PPARG: variants seen among roughly 807,000 people sequenced by gnomAD.
The protein encoded by PPARG is peroxisome proliferator-activated receptor gamma.
Under a neutral mutation model 39.2 loss-of-function variants are expected in PPARG, and 17 were observed. That is an observed-to-expected ratio of 0.43 (90% confidence interval 0.30 to 0.65). The LOEUF is 0.65. Among genes scored for constraint, PPARG ranks in the 30% least tolerant of loss-of-function variants. The probability of loss-of-function intolerance (pLI) is 0.13; values close to 1 mark genes in which losing one functional copy is unlikely to be tolerated. For missense variants in PPARG, 406 were observed against 585.9 expected (o/e 0.69, Z 3.17); for synonymous variants, 223 against 215.7 (o/e 1.03, Z -0.30).
intron 3 of PPARG, among the ~76,000 whole-genome samples, chr3:12,380,136 C>T (rs2049589518): frequency 6.6e-6 from 1 of 151,624 alleles, no homozygotes; most frequent in African/African-American, 2.4e-5. Context: ...TCTTGCCTTC[C>T]CCGCCCCCTC....
At chr3:12,399,495 G>C in intron 5 of PPARG, 2 of 422,390 alleles carry the variant, frequency 4.7e-6, no homozygotes, top group Non-Finnish European at 9.4e-6. Flanking sequence ...GCTGAGGTAG[G>C]AGCTTCCCTT....
Position 12,343,763 on chromosome 3 carries a change from C to T in PPARG, c.-9+31310C>T, listed in dbSNP as rs192991285. Among the ~76,000 whole-genome samples the T allele has an allele frequency of 2.6e-3, 391 of 151,828 alleles. 2 individuals carry two copies. Among genetic ancestry groups the T allele is most frequent in the Non-Finnish European group, 4.5e-3 (305 of 67,998 alleles). ...TTATGTGATACTTAACTGTATTGCT[C>T]GGTATTTAGCAGCCCATTATCTAAT... On this transcript the variant is annotated intron_variant, in intron 2 of 7. Transcript: ENST00000651735.
intron 7 of PPARG, among the ~76,000 whole-genome samples, chr3:12,431,027 G>A (rs2125317767): frequency 1.3e-5 from 2 of 152,250 alleles, no homozygotes; most frequent in East Asian, 3.9e-4. Context: ...ATACCATGAA[G>A]GAGAGAAGAG....
intron 1 of PPARG, among the ~76,000 whole-genome samples, chr3:12,309,490 G>C (rs951395957): frequency 2.0e-5 from 3 of 152,012 alleles, no homozygotes; most frequent in African/African-American, 7.2e-5. Context: ...TGATAAGTGG[G>C]ACTGATATTT....
At chr3:12,368,231 G>C (rs2049087903) in intron 2 of PPARG, among the ~76,000 whole-genome samples, 1 of 146,454 alleles carries the variant, frequency 6.8e-6, no homozygotes, top group Non-Finnish European at 1.5e-5. Flanking sequence ...GCCCAGGCTG[G>C]AGTGCACTGG....
chr3:12,363,116 C>T (rs1395335410), intron 2 of PPARG, among the ~76,000 whole-genome samples: 1 of 152,106 alleles, frequency 6.6e-6, no homozygotes, highest in Admixed American at 6.6e-5. Context: ...GACAGGGTCT[C>T]ACTGTGTTGT....
At chr3:12,329,916 C>T (rs1450758676) in intron 2 of PPARG, among the ~76,000 whole-genome samples, 1 of 152,172 alleles carries the variant, frequency 6.6e-6, no homozygotes, top group African/African-American at 2.4e-5. Flanking sequence ...TGGCTTATTT[C>T]ATTTAGCACA....
At chr3:12,397,156 TGA>T (rs1333792993) in intron 5 of PPARG, among the ~76,000 whole-genome samples, 1 of 151,926 alleles carries the variant, frequency 6.6e-6, no homozygotes, top group Non-Finnish European at 1.5e-5. Flanking sequence ...ATTATATAAA[TGA>T]GAGAGAGTTT....
chr3:12,392,975 G>T (rs1559521787), intron 5 of PPARG, among the ~76,000 whole-genome samples: 1 of 152,164 alleles, frequency 6.6e-6, no homozygotes. Flanking sequence ...GGAGAAAAGA[G>T]ACTTGAAAAA....
intron 7 of PPARG, among the ~76,000 whole-genome samples, chr3:12,419,506 G>T (rs901159243): frequency 6.6e-6 from 1 of 151,794 alleles, no homozygotes. Flanking sequence ...ATGGAGTCTC[G>T]TTCTGTCTTG....
At chr3:12,386,950 G>A (rs2049896005) in intron 4 of PPARG, among the ~76,000 whole-genome samples, 1 of 146,598 alleles carries the variant, frequency 6.8e-6, no homozygotes. Context: ...ACTCCCACCT[G>A]TGAGTGAGAA....
In PPARG at chr3:12,364,034, A is replaced by G. The variant is rs1269664151; in HGVS notation, c.-8-15670A>G. Reference sequence around the variant, plus strand: ...GCACCCAAGTGGTACACTTGTTAACAGTCAATAAACCCCCACTGACACATC... The same window carrying G: ...GCACCCAAGTGGTACACTTGTTAACGGTCAATAAACCCCCACTGACACATC... On this transcript the variant is annotated intron_variant, in intron 2 of 7. Transcript: ENST00000651735. 2.0e-5 allele frequency among the ~76,000 whole-genome samples: 3 copies of G among 149,156 alleles called. No homozygotes were observed. The East Asian group carries it at 6.0e-4, about 30-fold the overall frequency.
chr3:12,387,119 T>C (rs2049904706), intron 4 of PPARG, among the ~76,000 whole-genome samples: 1 of 152,350 alleles, frequency 6.6e-6, no homozygotes, highest in Non-Finnish European at 1.5e-5. Context: ...CAGTCAATCA[T>C]TGATGGACAT....
chr3:12,360,753 A>G (rs982848353), intron 2 of PPARG, among the ~76,000 whole-genome samples: 2 of 152,146 alleles, frequency 1.3e-5, no homozygotes, highest in African/African-American at 4.8e-5. Flanking sequence ...TAATCACACT[A>G]TTGAATGTAA....
intron 2 of PPARG, among the ~76,000 whole-genome samples, chr3:12,322,112 G>C (rs550635737): frequency 7.9e-5 from 12 of 152,320 alleles, no homozygotes; most frequent in Admixed American, 4.6e-4. Context: ...TCTTTGCATA[G>C]ACTTTTTTGT....
At chr3:12,287,856 C>A (rs2046543805), upstream of PPARG, 1 of 139,432 alleles carries the variant, frequency 7.2e-6, no homozygotes, top group African/African-American at 2.5e-5. Context: ...AGCCGGCGCC[C>A]GCGCCCGCCC....
chr3:12,325,973 A>G (rs1188392556), intron 2 of PPARG, among the ~76,000 whole-genome samples: 2 of 152,188 alleles, frequency 1.3e-5, no homozygotes, highest in African/African-American at 4.8e-5. Context: ...TTTATATTGT[A>G]GAGGAAAAAT....
rs532918336 is a variant in PPARG, at chr3:12,428,388, TCA to T, written c.1181-5502_1181-5501del. On this transcript the variant is annotated intron_variant, in intron 7 of 7. Coordinates refer to ENST00000651735, the MANE Select transcript of PPARG (RefSeq NM_138711.6). ...CGAGTGCTAAGTCCTGGAGTCTGAG[TCA>T]CACACACTTCCCAAAAGGGCCTTCT... Among the ~76,000 whole-genome samples, 843 of 152,278 alleles carry T rather than the reference TCA, an allele frequency of 5.5e-3. 3 individuals carry two copies. Among genetic ancestry groups the T allele is most frequent in the South Asian group, 8.9e-3 (43 of 4,826 alleles).
intron 2 of PPARG, among the ~76,000 whole-genome samples, chr3:12,320,430 T>C (rs12495364): frequency 0.27 from 41,535 of 152,118 alleles, 5,770 homozygotes; most frequent in East Asian, 0.33. Flanking sequence ...TTGGGTGCTC[T>C]GCCTGCTAGA....
Sources: gnomAD v4.1 joint callset for allele counts (sites outside exome capture counted in the v4.1 genomes callset) on GRCh38, gnomAD v4.1.1 for gene constraint, MANE v1.5 for transcripts, NCBI Gene and HGNC (gene_info 2026-07-23, HGNC 2026-07-21) for gene names.